The following CACNA1D variants were observed in gnomAD, a reference collection of about 807,000 sequenced individuals.
CACNA1D encodes the protein voltage-dependent L-type calcium channel subunit alpha-1D.
A neutral mutation model predicts 257.1 loss-of-function variants in CACNA1D; 55 were observed. The ratio of observed to expected loss-of-function variants is 0.21; its 90% CI spans 0.17 to 0.27. CACNA1D has a LOEUF of 0.27. Among genes scored for constraint, CACNA1D ranks in the 10% least tolerant of loss-of-function variants. CACNA1D has a pLI of 1.00. For missense variants in CACNA1D, 1,876 were observed against 2,784.0 expected (o/e 0.67, Z 7.34); for synonymous variants, 980 against 1,014.9 (o/e 0.97, Z 0.65).
chr3:53,786,810 C>G lies in CACNA1D; in HGVS notation c.4793-12C>G. Reference sequence around the variant, plus strand: ...CTGATTCGGGAGAGCTCTGTCTGGTCTCTCCGTTTAGATGATGAGGTAACC... The same window carrying G: ...CTGATTCGGGAGAGCTCTGTCTGGTGTCTCCGTTTAGATGATGAGGTAACC... On this transcript the variant is annotated splice_polypyrimidine_tract_variant and intron_variant, in intron 39 of 47. Transcript: ENST00000350061. The G allele has an allele frequency of 6.8e-7, 1 of 1,461,926 alleles. No homozygotes were observed. The highest frequency in any genetic ancestry group is 1.4e-5 in the African/African-American group (1 of 69,190). The allele number at this position is 1,461,926 out of a possible 1,614,324, so 90.6% of individuals were successfully genotyped here. A position where few individuals can be genotyped will look rare whatever the true frequency, so the allele number is the denominator to read the frequency against.
At chr3:53,609,101 G>T (rs559406907) in intron 3 of CACNA1D, among the ~76,000 whole-genome samples, 1 of 152,120 alleles carries the variant, frequency 6.6e-6, no homozygotes, top group Non-Finnish European at 1.5e-5. Context: ...TTTGTGGAAA[G>T]ATTTCAAGTT....
chr3:53,691,167 G>T (rs576111206), intron 8 of CACNA1D, among the ~76,000 whole-genome samples: 138 of 150,896 alleles, frequency 9.1e-4, no homozygotes, highest in African/African-American at 3.2e-3. Flanking sequence ...TTTTTTGGGG[G>T]GGAGATGGAG....
At chr3:53,626,777 G>A (rs1190014005) in intron 3 of CACNA1D, among the ~76,000 whole-genome samples, 3 of 152,184 alleles carry the variant, frequency 2.0e-5, no homozygotes, top group Non-Finnish European at 4.4e-5. Context: ...TGAAATGGTT[G>A]TATGTTTCCA....
intron 3 of CACNA1D, among the ~76,000 whole-genome samples, chr3:53,569,339 T>C (rs1022271112): frequency 1.3e-5 from 2 of 152,204 alleles, no homozygotes; most frequent in African/African-American, 4.8e-5. Flanking sequence ...TCCCAAGTGC[T>C]TACCACTGCT....
chr3:53,603,766 G>A (rs776656021), intron 3 of CACNA1D, among the ~76,000 whole-genome samples: 1 of 152,182 alleles, frequency 6.6e-6, no homozygotes, highest in Non-Finnish European at 1.5e-5. Context: ...TACCCCTGGG[G>A]AACTTCAAAA....
intron 27 of CACNA1D, 117 bp downstream of exon 27, chr3:53,749,586 G>T: frequency 1.3e-6 from 1 of 759,064 alleles, no homozygotes; most frequent in South Asian, 1.4e-5. Flanking sequence ...TGTCCCTGGG[G>T]CTAGGGCCCT....
chr3:53,786,854 A>G lies in CACNA1D; in HGVS notation c.4825A>G (p.Thr1609Ala). 1.2e-6 allele frequency: 2 copies of G among 1,613,614 alleles called. No homozygotes were observed. The highest frequency in any genetic ancestry group is 1.7e-6 in the Non-Finnish European group (2 of 1,179,590). The change falls in exon 40 of 48, where the codon ACT becomes GCT. Residue 1609 changes from threonine (T) to alanine (A), a missense_variant. By Grantham distance (58) the Thr-to-Ala change is moderately conservative. Around this residue, in one of 10 missense-constraint regions of CACNA1D, gnomAD observed 160 missense variants for 236.6 expected, o/e 0.68. Transcript: ENST00000350061. ...DEVTVGKFYATFLIQDYFRKF... is the reference protein window; with the variant it reads ...DEVTVGKFYAAFLIQDYFRKF... Reference sequence around the variant, plus strand: ...GGTAACCGTGGGGAAGTTCTATGCCACTTTCCTGATACAGGACTACTTTAG... The same window carrying G: ...GGTAACCGTGGGGAAGTTCTATGCCGCTTTCCTGATACAGGACTACTTTAG...
chr3:53,769,224 C>T lies in CACNA1D; in HGVS notation c.3871-749C>T, dbSNP rs971807960. On this transcript the variant is annotated intron_variant, in intron 30 of 47. Coordinates refer to ENST00000350061, the MANE Select transcript of CACNA1D (RefSeq NM_001128840.3). ...TAAGCACCAGTCATTACAGATTCTG[C>T]ATCCTGGGGCCGAGGGACAGGAGCA... 2.0e-5 allele frequency among the ~76,000 whole-genome samples: 3 copies of T among 152,236 alleles called. No individual in the cohort carries two copies. The East Asian group carries it at 5.8e-4, about 29-fold the overall frequency.
intron 19 of CACNA1D, 44 bp downstream of exon 19, chr3:53,733,006 T>C (rs1473360846): frequency 3.1e-6 from 5 of 1,609,132 alleles, no homozygotes; most frequent in Admixed American, 1.7e-5. Context: ...CTCTTGCCAG[T>C]GACCCTACAG....
chr3:53,633,574 G>A (rs2093847032), intron 3 of CACNA1D, among the ~76,000 whole-genome samples: 1 of 152,220 alleles, frequency 6.6e-6, no homozygotes, highest in African/African-American at 2.4e-5. Flanking sequence ...GTGCTCTCCA[G>A]CTTAGGGCAA....
At chr3:53,604,600 G>C (rs2093484718) in intron 3 of CACNA1D, among the ~76,000 whole-genome samples, 5 of 152,154 alleles carry the variant, frequency 3.3e-5, no homozygotes, top group Admixed American at 3.3e-4. Context: ...GGTTTTGCTG[G>C]TCCTTGCTTT....
At chr3:53,693,358 G>A (rs2108536599) in intron 8 of CACNA1D, among the ~76,000 whole-genome samples, 1 of 152,238 alleles carries the variant, frequency 6.6e-6, no homozygotes, top group Non-Finnish European at 1.5e-5. Flanking sequence ...TTTCATGGTT[G>A]AGGGAAAAAT....
intron 3 of CACNA1D, among the ~76,000 whole-genome samples, chr3:53,537,550 G>GA (rs11403044): frequency 0.32 from 48,968 of 151,890 alleles, 9,103 homozygotes; most frequent in African/African-American, 0.53. Context: ...TAACACATGA[G>GA]AAAAAAATAA....
intron 3 of CACNA1D, among the ~76,000 whole-genome samples, chr3:53,630,497 A>C (rs1355217281): frequency 6.6e-6 from 1 of 152,238 alleles, no homozygotes; most frequent in Non-Finnish European, 1.5e-5. Context: ...TAATTAATTT[A>C]GGTAGTTACT....
chr3:53,535,490 T>C (rs1193556489), intron 3 of CACNA1D, among the ~76,000 whole-genome samples: 1 of 152,182 alleles, frequency 6.6e-6, no homozygotes, highest in Non-Finnish European at 1.5e-5. Context: ...GGGGGGTGAA[T>C]ATTGACTGGC....
At chr3:53,509,809 G>T (rs893896855) in intron 3 of CACNA1D, among the ~76,000 whole-genome samples, 5 of 152,176 alleles carry the variant, frequency 3.3e-5, no homozygotes, top group Non-Finnish European at 7.3e-5. Flanking sequence ...GAGGGCTGAC[G>T]CTGAATCCTT....
chr3:53,682,808 A>G (rs765456041), intron 8 of CACNA1D, among the ~76,000 whole-genome samples: 3 of 152,216 alleles, frequency 2.0e-5, no homozygotes, highest in Non-Finnish European at 2.9e-5. Flanking sequence ...CAGCCACAAC[A>G]TACTAGTGCT....
intron 3 of CACNA1D, among the ~76,000 whole-genome samples, chr3:53,646,243 C>T (rs941738066): frequency 2.6e-5 from 4 of 152,118 alleles, no homozygotes; most frequent in Non-Finnish European, 4.4e-5. Context: ...AGATCCTTAA[C>T]CAAGAAGCTG....
intron 21 of CACNA1D, 23 bp from the exon 22 acceptor site, chr3:53,742,988 A>G (rs2095132401): frequency 1.3e-6 from 2 of 1,486,576 alleles, no homozygotes; most frequent in Non-Finnish European, 1.9e-6. Context: ...AAAATGGTAA[A>G]TCATCCATGA....
Sources: allele counts gnomAD v4.1 joint callset (sites outside exome capture counted in the v4.1 genomes callset), GRCh38; gene constraint gnomAD v4.1.1; regional missense constraint gnomAD v4.1.1; transcripts MANE v1.5; gene names NCBI Gene and HGNC (gene_info 2026-07-23, HGNC 2026-07-21).